The following SIPA1L2 variants were observed in gnomAD, a reference collection of about 807,000 sequenced individuals.
SIPA1L2 encodes the protein signal induced proliferation associated 1 like 2.
In SIPA1L2, 56 loss-of-function variants were observed where a neutral mutation model predicts 163.9. The observed-to-expected ratio is 0.34, with a 90% CI of 0.28 to 0.43. The LOEUF (loss-of-function observed/expected upper bound fraction) is 0.43, where lower values mean the gene tolerates loss of function less well. Among genes scored for constraint, SIPA1L2 ranks in the 20% least tolerant of loss-of-function variants. The pLI is 1.00. For synonymous variants in SIPA1L2, 877 were observed against 865.7 expected, an observed-to-expected ratio of 1.01 and a Z score of -0.23; for missense variants, 1,974 against 2,193.5, an observed-to-expected ratio of 0.90 and a Z score of 2.00.
intron 8 of SIPA1L2, among the ~76,000 whole-genome samples, chr1:232,470,345 G>C (rs1199221387): frequency 6.6e-6 from 1 of 152,200 alleles, no homozygotes; most frequent in African/African-American, 2.4e-5. Flanking sequence ...CCATAGACTA[G>C]GGCTATGTTT....
Position 232,402,439 on chromosome 1 carries a change from T to C in SIPA1L2, c.4975A>G (p.Asn1659Asp). 1 of 1,613,718 alleles carries C rather than the reference T, an allele frequency of 6.2e-7. No individual in the cohort carries two copies. Among genetic ancestry groups the C allele is most frequent in the Non-Finnish European group, 8.5e-7 (1 of 1,179,654 alleles). ...RSPSPLTGKV[N>D]QLELILRQLQ... Reference sequence around the variant, plus strand: ...TGTCGAAGAATTAATTCCAGCTGATTGACTTTCCCGGTCAGTGGTGATGGA... The same window carrying C: ...TGTCGAAGAATTAATTCCAGCTGATCGACTTTCCCGGTCAGTGGTGATGGA... Residue 1659 changes from asparagine to aspartate, a missense_variant, in exon 22 of 23, where the codon AAT (asparagine) becomes GAT (aspartate). Asn to Asp is a conservative substitution (Grantham distance 23, BLOSUM62 1). This residue lies in a region of SIPA1L2 where 1,079 missense variants were observed against 1,150.7 expected (regional missense o/e 0.94). Transcript: ENST00000674635.
At chr1:232,568,858 C>T (rs1256949339) in intron 2 of SIPA1L2, among the ~76,000 whole-genome samples, 1 of 152,160 alleles carries the variant, frequency 6.6e-6, no homozygotes, top group Non-Finnish European at 1.5e-5. Context: ...ACACACAGAT[C>T]CACAGTCATC....
At position 232,572,767 on chromosome 1, in the gene SIPA1L2, ATATATATATATATT is replaced by A. The variant is rs1159816988; in HGVS notation, c.-270+1393_-270+1406del. Reference sequence around the variant, plus strand: ...TATATATATATATATATATATATATATATATATATATATTTATTTATTTATTTTTTCCTTGAGAC... The same window carrying A: ...TATATATATATATATATATATATATATATTTATTTATTTTTTCCTTGAGAC... On this transcript the variant is annotated intron_variant, in intron 2 of 22. Coordinates refer to ENST00000674635, the MANE Select transcript of SIPA1L2 (RefSeq NM_020808.5). Among the ~76,000 whole-genome samples, 443 of 103,868 alleles carry A rather than the reference ATATATATATATATT, an allele frequency of 4.3e-3. 3 individuals are homozygous for A. Among genetic ancestry groups the A allele is most frequent in the African/African-American group, 0.013 (385 of 29,512 alleles). 68.1% of individuals were successfully genotyped at this position (103,868 alleles called of 152,430 possible).
At chr1:232,572,783 ATT>A (rs1298489897) in intron 2 of SIPA1L2, among the ~76,000 whole-genome samples, 25 of 126,504 alleles carry the variant, frequency 2.0e-4, no homozygotes, top group Non-Finnish European at 3.1e-4. Context: ...ATATATATTT[ATT>A]TATTTATTTT....
chr1:232,525,630 T>C (rs1255796369), intron 2 of SIPA1L2, among the ~76,000 whole-genome samples: 1 of 152,092 alleles, frequency 6.6e-6, no homozygotes, highest in Non-Finnish European at 1.5e-5. Context: ...GCAAGGCTGC[T>C]CATGTCGTAG....
intron 2 of SIPA1L2, among the ~76,000 whole-genome samples, chr1:232,533,936 G>T (rs1326293): frequency 0.22 from 32,904 of 151,954 alleles, 4,569 homozygotes; most frequent in African/African-American, 0.39. Flanking sequence ...AATTGAAAAC[G>T]TAATACTTTT....
intron 2 of SIPA1L2, among the ~76,000 whole-genome samples, chr1:232,521,539 C>G (rs1262833810): frequency 1.3e-5 from 2 of 152,176 alleles, no homozygotes; most frequent in East Asian, 1.9e-4. Flanking sequence ...TAAACTCCAT[C>G]TGGGTGGGGT....
intron 2 of SIPA1L2, among the ~76,000 whole-genome samples, chr1:232,550,401 G>A (rs772198605): frequency 1.5e-4 from 23 of 152,132 alleles, no homozygotes; most frequent in Non-Finnish European, 2.5e-4. Context: ...TCAATACAAG[G>A]ATAGCTTAAA....
intron 2 of SIPA1L2, among the ~76,000 whole-genome samples, chr1:232,553,811 G>C (rs1160730819): frequency 2.0e-5 from 3 of 152,102 alleles, no homozygotes; most frequent in Admixed American, 6.6e-5. Context: ...AATTCCAAGA[G>C]TACAAACACA....
At chr1:232,463,076 T>C (rs930662237) in intron 9 of SIPA1L2, among the ~76,000 whole-genome samples, 4 of 152,198 alleles carry the variant, frequency 2.6e-5, no homozygotes, top group Non-Finnish European at 4.4e-5. Context: ...AGGCTCCTTA[T>C]GAAAAAATTA....
At chr1:232,544,605 CAA>C (rs1657915965) in intron 2 of SIPA1L2, among the ~76,000 whole-genome samples, 1 of 151,690 alleles carries the variant, frequency 6.6e-6, no homozygotes, top group African/African-American at 2.4e-5. Flanking sequence ...CTTTATCTCT[CAA>C]AAAGAGCATC....
rs915324947 is a variant in SIPA1L2 at position 232,398,516 on chromosome 1, C to G, written c.*611G>C. The stretch of plus-strand genomic sequence containing the variant: ...TTTGTTCCTGCAAATAAATAAGTCT[C>G]TAAGGTAACTGCATCTGAACTAGTG... On this transcript the variant is annotated 3_prime_UTR_variant, in exon 23 of 23. Transcript: ENST00000674635. 1.3e-4 allele frequency: 20 copies of G among 151,110 alleles called. No homozygotes were observed. Among genetic ancestry groups the G allele is most frequent in the African/African-American group, 4.6e-4 (19 of 41,026 alleles). The allele number at this position is 151,110 out of a possible 1,614,324, so 9.4% of individuals were successfully genotyped here. A position where few individuals can be genotyped will look rare whatever the true frequency, so the allele number is the denominator to read the frequency against.
chr1:232,585,991 T>C lies in SIPA1L2; in HGVS notation c.-318-11769A>G, dbSNP rs112118091. On this transcript the variant is annotated intron_variant, in intron 1 of 22. Coordinates refer to ENST00000674635, the MANE Select transcript of SIPA1L2 (RefSeq NM_020808.5). ...AATAACAGCAATAAAGAGAAAACTA[T>C]GAAGGAAATAGAGTTGGAATATTTC... Among the ~76,000 whole-genome samples, 285 of 152,082 alleles carry C rather than the reference T, an allele frequency of 1.9e-3. 1 individual carries two copies. The highest frequency in any genetic ancestry group is 5.4e-3 in the African/African-American group (224 of 41,500).
intron 18 of SIPA1L2, among the ~76,000 whole-genome samples, chr1:232,416,891 TTAAGTGTTTATGTCATTAATAATACTCG>T (rs1342488911): frequency 1.6e-4 from 24 of 152,334 alleles, no homozygotes; most frequent in African/African-American, 5.8e-4. Flanking sequence ...ATCAAGGTAC[TTAAGTGTTTATGTCATTAATAATACTCG>T]TTGTTAAGAA....
At chr1:232,585,514 A>C (rs1345602808) in intron 1 of SIPA1L2, among the ~76,000 whole-genome samples, 2 of 152,170 alleles carry the variant, frequency 1.3e-5, no homozygotes, top group Non-Finnish European at 2.9e-5. Flanking sequence ...CAAAGAGAAT[A>C]ATTTTCTTCT....
intron 7 of SIPA1L2, among the ~76,000 whole-genome samples, chr1:232,472,617 G>A (rs1219357364): frequency 6.6e-6 from 1 of 152,188 alleles, no homozygotes; most frequent in Non-Finnish European, 1.5e-5. Context: ...AAAAGTTTGT[G>A]ATCTTCAGTT....
rs560076777 is a variant in SIPA1L2, at chr1:232,431,949, G to A, written c.4256+298C>T. Among the ~76,000 whole-genome samples the A allele has an allele frequency of 4.6e-5, 7 of 152,244 alleles. No homozygotes were observed. In the South Asian group the frequency reaches 1.2e-3, roughly 27 times the overall value. On this transcript the variant is annotated intron_variant, in intron 16 of 22. Coordinates refer to ENST00000674635, the MANE Select transcript of SIPA1L2 (RefSeq NM_020808.5). ...GGGAATTTGAACTGCCTTTGACCTG[G>A]TGTATTTATAGAGACGCTATACTCA...
chr1:232,522,994 G>A (rs1402155989), intron 2 of SIPA1L2, among the ~76,000 whole-genome samples: 1 of 152,202 alleles, frequency 6.6e-6, no homozygotes, highest in Non-Finnish European at 1.5e-5. Flanking sequence ...AAGAGGCAAA[G>A]AAAAGCTTTT....
At chr1:232,458,070 T>C (rs1558192437) in intron 10 of SIPA1L2, among the ~76,000 whole-genome samples, 1 of 152,332 alleles carries the variant, frequency 6.6e-6, no homozygotes, top group Non-Finnish European at 1.5e-5. Context: ...ATGTGGGTGA[T>C]GGGTGTGCCA....
Sources: gnomAD v4.1 joint callset for allele counts (sites outside exome capture counted in the v4.1 genomes callset) on GRCh38, gnomAD v4.1.1 for gene constraint, gnomAD v4.1.1 regional missense constraint, MANE v1.5 for transcripts, NCBI Gene and HGNC (gene_info 2026-07-23, HGNC 2026-07-21) for gene names.